The following SLC15A2 variants were observed in gnomAD, a reference collection of about 807,000 sequenced individuals.
SLC15A2 encodes kidney H(+)/peptide cotransporter.
A neutral mutation model predicts 95.5 loss-of-function variants in SLC15A2; 77 were observed. The observed-to-expected ratio is 0.81, with a 90% CI of 0.67 to 0.97. The LOEUF (loss-of-function observed/expected upper bound fraction) is 0.97, where lower values mean the gene tolerates loss of function less well. Ranked by LOEUF, SLC15A2 falls within the 50% of genes least tolerant of loss-of-function variation. The pLI is 0.00. For synonymous variants in SLC15A2, 306 were observed against 306.9 expected (o/e 1.00, Z 0.03); for missense variants, 893 against 874.4 (o/e 1.02, Z -0.27).
intron 17 of SLC15A2, 78 bp from the exon 18 acceptor site, chr3:121,930,762 C>T: frequency 1.1e-6 from 1 of 890,276 alleles, no homozygotes; most frequent in Non-Finnish European, 1.8e-6. Flanking sequence ...TAGTTATACC[C>T]AAAACATAAA....
intron 3 of SLC15A2, among the ~76,000 whole-genome samples, chr3:121,909,650 T>C (rs1279461644): frequency 6.6e-6 from 1 of 152,214 alleles, no homozygotes; most frequent in Non-Finnish European, 1.5e-5. Context: ...TGGTTGTTTT[T>C]TTAATCTATA....
At chr3:121,931,550 A>G (rs1710232663) in intron 18 of SLC15A2, 89 bp from the exon 19 acceptor site, 2 of 745,530 alleles carry the variant, frequency 2.7e-6, no homozygotes, top group Non-Finnish European at 4.7e-6. Flanking sequence ...CCTCACCATC[A>G]GTAGAGAGAT....
At chr3:121,921,571 A>G (rs1710006249) in intron 7 of SLC15A2, among the ~76,000 whole-genome samples, 1 of 152,174 alleles carries the variant, frequency 6.6e-6, no homozygotes, top group Non-Finnish European at 1.5e-5. Context: ...TAAACCTTCA[A>G]ATAGATGTTA....
Position 121,897,387 on chromosome 3 carries a change from G to A in SLC15A2, c.194-1G>A, listed in dbSNP as rs1559837729. 9.9e-6 allele frequency: 16 copies of A among 1,613,182 alleles called. No individual in the cohort carries two copies. Among genetic ancestry groups the A allele is most frequent in the Non-Finnish European group, 1.4e-5 (16 of 1,179,576 alleles). On this transcript the variant is annotated splice_acceptor_variant, in intron 2 of 21. Transcript: ENST00000489711. LOFTEE classifies it high-confidence loss of function. Reference sequence around the variant, plus strand: ...ACGCCTCCTTTTTTTTCCCACTACAGCTGTGCTGATCCTGTATTTCCTGTA... The same window carrying A: ...ACGCCTCCTTTTTTTTCCCACTACAACTGTGCTGATCCTGTATTTCCTGTA...
intron 15 of SLC15A2, 28 bp from the exon 16 acceptor site, chr3:121,928,954 C>T (rs765430958): frequency 6.2e-7 from 1 of 1,609,948 alleles, no homozygotes; most frequent in Non-Finnish European, 8.5e-7. Context: ...GTGTACGTGA[C>T]CTTCATTTTA....
intron 3 of SLC15A2, among the ~76,000 whole-genome samples, chr3:121,898,581 A>G (rs1222519857): frequency 2.6e-5 from 4 of 152,254 alleles, no homozygotes; most frequent in Non-Finnish European, 5.9e-5. Context: ...ACTATAAAAT[A>G]TAATAAGTTA....
chr3:121,940,870 A>C lies in SLC15A2; in HGVS notation c.2053A>C (p.Ile685Leu). ...TTTGTTTTCCTGCCTCCTGCTGGTG[A>C]TCTGCCTGATCTTCTCCATCATGGG... ...FILFSCLLLV[I>L]CLIFSIMGYY... The change falls in exon 22 of 22, where the codon ATC becomes CTC. Residue 685 changes from isoleucine to leucine, a missense_variant. Physicochemically the swap from Ile to Leu is conservative, Grantham distance 5. Transcript: ENST00000489711. 1 of 1,613,544 alleles carries C rather than the reference A, an allele frequency of 6.2e-7. No individual in the cohort carries two copies. Among genetic ancestry groups the C allele is most frequent in the Non-Finnish European group, 8.5e-7 (1 of 1,179,890 alleles).
intron 19 of SLC15A2, among the ~76,000 whole-genome samples, chr3:121,938,688 C>G (rs1710400779): frequency 1.3e-5 from 2 of 152,278 alleles, no homozygotes; most frequent in Admixed American, 1.3e-4. Flanking sequence ...TGAGATGAGC[C>G]CGGTACCTCA....
intron 14 of SLC15A2, among the ~76,000 whole-genome samples, chr3:121,928,069 A>T (rs762617186): frequency 6.6e-6 from 1 of 152,230 alleles, no homozygotes; most frequent in Non-Finnish European, 1.5e-5. Flanking sequence ...GAATTCTCAA[A>T]CACTAATATC....
intron 3 of SLC15A2, among the ~76,000 whole-genome samples, chr3:121,907,265 G>A (rs1479101882): frequency 6.6e-6 from 1 of 152,096 alleles, no homozygotes; most frequent in African/African-American, 2.4e-5. Context: ...CTTTTTTCAA[G>A]GTTTTTAGCT....
chr3:121,940,808 C>G (rs1411609484), intron 21 of SLC15A2, 23 bp from the exon 22 acceptor site: 1 of 1,599,260 alleles, frequency 6.3e-7, no homozygotes, highest in Non-Finnish European at 8.5e-7. Context: ...CCATATTCTT[C>G]TCATATTTAT....
At chr3:121,924,521 A>G (rs914028431) in intron 12 of SLC15A2, 138 bp downstream of exon 12, 2 of 814,246 alleles carry the variant, frequency 2.5e-6, no homozygotes, top group South Asian at 1.5e-5. Flanking sequence ...ACATGAAAAC[A>G]TTCCCATTAA....
rs763948585 is a variant in SLC15A2, at chr3:121,922,764, C to T, written c.781-11C>T. ...CTTTGTCTCTCCCATGATGTCTACT[C>T]TCTGCCCTAGTTTGCTATTTCCAAT... On this transcript the variant is annotated splice_polypyrimidine_tract_variant and intron_variant, in intron 8 of 21. Transcript: ENST00000489711. 2 of 1,608,760 alleles carry T rather than the reference C, an allele frequency of 1.2e-6. No individual in the cohort carries two copies. Among genetic ancestry groups the T allele is most frequent in the East Asian group, 2.2e-5 (1 of 44,824 alleles).
At position 121,941,180 on chromosome 3, in the gene SLC15A2, C is replaced by T. The variant is rs1710458406; in HGVS notation, c.*173C>T. ...TTCCAGTACATCTTTAAACAAGGCC[C>T]CAGAGACTCTATGTCTGCCCGTCCA... On this transcript the variant is annotated 3_prime_UTR_variant, in exon 22 of 22. Transcript: ENST00000489711. 1.7e-5 allele frequency: 10 copies of T among 580,074 alleles called. No individual in the cohort carries two copies. Among genetic ancestry groups the T allele is most frequent in the Admixed American group, 3.3e-5 (1 of 30,362 alleles). 35.9% of individuals were successfully genotyped at this position (580,074 alleles called of 1,614,324 possible).
intron 3 of SLC15A2, among the ~76,000 whole-genome samples, chr3:121,908,867 A>T (rs1482614489): frequency 6.6e-6 from 1 of 152,082 alleles, no homozygotes; most frequent in Non-Finnish European, 1.5e-5. Context: ...CCTAACCCTA[A>T]TACTAATTAA....
rs540062976 is a variant in SLC15A2 at position 121,923,088 on chromosome 3, T to C, written c.916T>C (p.Tyr306His). The C allele has an allele frequency of 9.9e-6, 16 of 1,614,100 alleles. No homozygotes were observed. In the South Asian group the frequency reaches 1.6e-4, roughly 17 times the overall value. The part of the protein sequence containing the change: ...VKALTRVLFL[Y>H]IPLPMFWALL... The stretch of plus-strand genomic sequence containing the variant: ...GGCACTGACCAGGGTACTATTCCTT[T>C]ATATCCCATTGCCCATGTTCTGGGC... Residue 306 changes from tyrosine (Y) to histidine (H), a missense_variant, in exon 10 of 22, where the codon TAT (tyrosine) becomes CAT (histidine). By Grantham distance (83) the Tyr-to-His change is moderately conservative. Coordinates refer to ENST00000489711, the MANE Select transcript of SLC15A2 (RefSeq NM_021082.4).
intron 19 of SLC15A2, among the ~76,000 whole-genome samples, chr3:121,933,787 T>C (rs1710281734): frequency 6.7e-6 from 1 of 149,822 alleles, no homozygotes. Flanking sequence ...TTTGTCAATT[T>C]TGGCTTTTGT....
chr3:121,895,328 G>A (rs1881998), intron 1 of SLC15A2: 128,771 of 152,196 alleles, frequency 0.85, 54,974 homozygotes, highest in East Asian at 0.92. Context: ...ACAGTGTGTC[G>A]GCTAAACTCC....
chr3:121,915,476 G>T lies in SLC15A2; in HGVS notation c.620-140G>T, dbSNP rs553596589. 8 of 793,772 alleles carry T rather than the reference G, an allele frequency of 1.0e-5. No individual in the cohort carries two copies. The South Asian group carries it at 1.3e-4, about 13-fold the overall frequency. 49.2% of individuals were successfully genotyped at this position (793,772 alleles called of 1,614,324 possible). On this transcript the variant is annotated intron_variant, in intron 6 of 21. Coordinates refer to ENST00000489711, the MANE Select transcript of SLC15A2 (RefSeq NM_021082.4). ...TTGTCTGGCCCAAAAGAAGAACTAT[G>T]GATTAGGTGATGGGAGGAAAGAGGG...
Sources: allele counts gnomAD v4.1 joint callset (sites outside exome capture counted in the v4.1 genomes callset), GRCh38; gene constraint gnomAD v4.1.1; transcripts MANE v1.5; gene names NCBI Gene and HGNC (gene_info 2026-07-23, HGNC 2026-07-21).